The following ERICH6B variants were observed in gnomAD, a reference collection of about 807,000 sequenced individuals.
The protein encoded by ERICH6B is glutamate-rich protein 6B.
In ERICH6B, 69 loss-of-function variants were observed where a neutral mutation model predicts 80.0. The ratio of observed to expected loss-of-function variants is 0.86; its 90% CI spans 0.71 to 1.05. The LOEUF (loss-of-function observed/expected upper bound fraction) is 1.05, where lower values mean the gene tolerates loss of function less well. ERICH6B is among the 50% of genes least tolerant of loss of function. ERICH6B has a pLI of 0.00. For synonymous variants in ERICH6B, 283 were observed against 291.9 expected, an observed-to-expected ratio of 0.97 and a Z score of 0.31; for missense variants, 754 against 796.1, an observed-to-expected ratio of 0.95 and a Z score of 0.64.
chr13:45,596,308 C>T, intron 3 of ERICH6B, 61 bp downstream of exon 3: 18 of 1,480,378 alleles, frequency 1.2e-5, no homozygotes, highest in Non-Finnish European at 1.5e-5. Flanking sequence ...CTTCATCCAA[C>T]CTTCTTTCCC....
intron 14 of ERICH6B, among the ~76,000 whole-genome samples, chr13:45,542,028 G>A (rs1873801106): frequency 6.6e-6 from 1 of 152,156 alleles, no homozygotes; most frequent in African/African-American, 2.4e-5. Context: ...CCCGACCATG[G>A]GGCCCTGCAA....
chr13:45,565,878 A>G (rs947157816), intron 9 of ERICH6B, among the ~76,000 whole-genome samples: 2 of 152,238 alleles, frequency 1.3e-5, no homozygotes, highest in Non-Finnish European at 2.9e-5. Context: ...GAACTAGGTA[A>G]CAGGCAGGAG....
chr13:45,573,794 A>T (rs1309523717), intron 8 of ERICH6B, among the ~76,000 whole-genome samples: 2 of 152,360 alleles, frequency 1.3e-5, no homozygotes, highest in East Asian at 3.9e-4. Flanking sequence ...ATCAATGGAC[A>T]GGAGCCTTGA....
At chr13:45,610,833 CTGTGTGTGTG>C (rs10653696) in intron 1 of ERICH6B, among the ~76,000 whole-genome samples, 49 of 147,404 alleles carry the variant, frequency 3.3e-4, no homozygotes, top group Non-Finnish European at 6.1e-4. Context: ...TGTGGCAGGA[CTGTGTGTGTG>C]TGTGTGTGTG....
intron 11 of ERICH6B, among the ~76,000 whole-genome samples, chr13:45,552,520 T>C (rs1474605764): frequency 6.6e-6 from 1 of 151,446 alleles, no homozygotes; most frequent in Non-Finnish European, 1.5e-5. Flanking sequence ...CAGGAAGGCT[T>C]TGCAGACCAT....
intron 2 of ERICH6B, among the ~76,000 whole-genome samples, chr13:45,598,407 T>C (rs1385503953): frequency 6.6e-6 from 1 of 152,182 alleles, no homozygotes; most frequent in East Asian, 1.9e-4. Flanking sequence ...ACATTTATTC[T>C]GCAGGACAGG....
chr13:45,541,482 G>T lies in ERICH6B; in HGVS notation c.2071C>A (p.Leu691Ile). The change falls in exon 15 of 15, where the codon CTC becomes ATC. Residue 691 changes from leucine to isoleucine, a missense_variant. Coordinates refer to ENST00000298738, the MANE Select transcript of ERICH6B (RefSeq NM_182542.3). ...CCGCCTTAAAACCAGAGTTTAGAGA[G>T]CATCTTCTTCAGGTACTTGTTGTCC... ...LMDNKYLKKMLSKLWF is the reference protein window; with the variant it reads ...LMDNKYLKKMISKLWF 1 of 1,552,120 alleles carries T rather than the reference G, an allele frequency of 6.4e-7. No homozygotes were observed. Among genetic ancestry groups the T allele is most frequent in the Non-Finnish European group, 8.7e-7 (1 of 1,147,080 alleles).
intron 1 of ERICH6B, among the ~76,000 whole-genome samples, chr13:45,610,662 C>T (rs532663582): frequency 6.6e-6 from 1 of 152,292 alleles, no homozygotes; most frequent in East Asian, 1.9e-4. Context: ...ATGCTACAAG[C>T]TGGACAGCAT....
rs146629352 is a variant in ERICH6B, at chr13:45,557,204, T to G, written c.1407+4165A>C. On this transcript the variant is annotated intron_variant, in intron 11 of 14. Coordinates refer to ENST00000298738, the MANE Select transcript of ERICH6B (RefSeq NM_182542.3). ...CCTGATCACTAGTGATGTTGAGCAT[T>G]TTTTCACGTTTGTTGGTCATTTGCA... Among the ~76,000 whole-genome samples the G allele has an allele frequency of 3.2e-3, 483 of 152,328 alleles. 1 individual carries two copies. The highest frequency in any genetic ancestry group is 0.01 in the African/African-American group (429 of 41,586).
intron 5 of ERICH6B, among the ~76,000 whole-genome samples, chr13:45,586,719 T>C (rs1285587777): frequency 6.6e-6 from 1 of 152,150 alleles, no homozygotes; most frequent in Non-Finnish European, 1.5e-5. Flanking sequence ...GAAAATGGCC[T>C]GTGTCCCTGA....
At chr13:45,548,136 C>T (rs551640484) in intron 13 of ERICH6B, among the ~76,000 whole-genome samples, 1 of 152,322 alleles carries the variant, frequency 6.6e-6, no homozygotes, top group East Asian at 1.9e-4. Context: ...AAGATGGGTG[C>T]TGGATTTTAG....
intron 2 of ERICH6B, among the ~76,000 whole-genome samples, chr13:45,605,543 C>G (rs1949853221): frequency 6.6e-6 from 1 of 152,192 alleles, no homozygotes; most frequent in African/African-American, 2.4e-5. Context: ...ATAACTCCAC[C>G]AAGGTCAGGC....
rs112915088 is a variant in ERICH6B at position 45,548,745 on chromosome 13, A to G, written c.1646+1148T>C. On this transcript the variant is annotated intron_variant, in intron 13 of 14. Coordinates refer to ENST00000298738, the MANE Select transcript of ERICH6B (RefSeq NM_182542.3). Reference sequence around the variant, plus strand: ...GGTAATTAACTGAATTTCTTGCCCCACTCCTTTGTGCTTTCTGTACCCAAG... The same window carrying G: ...GGTAATTAACTGAATTTCTTGCCCCGCTCCTTTGTGCTTTCTGTACCCAAG... Among the ~76,000 whole-genome samples, 873 of 151,792 alleles carry G rather than the reference A, an allele frequency of 5.8e-3. 10 individuals carry two copies. The highest frequency in any genetic ancestry group is 0.02 in the African/African-American group (826 of 41,374).
chr13:45,574,066 C>T (rs959132286), intron 8 of ERICH6B, among the ~76,000 whole-genome samples: 5 of 152,124 alleles, frequency 3.3e-5, no homozygotes, highest in African/African-American at 1.2e-4. Flanking sequence ...AAAACATTTA[C>T]AAAATGAAAT....
intron 14 of ERICH6B, among the ~76,000 whole-genome samples, chr13:45,543,190 G>A (rs1175396324): frequency 1.3e-5 from 2 of 152,046 alleles, no homozygotes; most frequent in African/African-American, 2.4e-5. Flanking sequence ...TAGGCCTCAC[G>A]GGGGGAGCCA....
chr13:45,553,107 C>G (rs764028509), intron 11 of ERICH6B: 12 of 356,658 alleles, frequency 3.4e-5, no homozygotes, highest in Non-Finnish European at 5.6e-5. Flanking sequence ...ACTGTTTTAT[C>G]TGATCAGATT....
intron 9 of ERICH6B, among the ~76,000 whole-genome samples, chr13:45,567,261 G>T (rs920154457): frequency 6.6e-6 from 1 of 152,178 alleles, no homozygotes; most frequent in Non-Finnish European, 1.5e-5. Context: ...ACTTCGGACT[G>T]TAAACTTTTG....
At chr13:45,553,081 G>A (rs1282273064) in intron 11 of ERICH6B, 1 of 304,478 alleles carries the variant, frequency 3.3e-6, no homozygotes, top group Non-Finnish European at 6.5e-6. Flanking sequence ...TCTTGTAGTT[G>A]CAAGACATTC....
chr13:45,546,886 T>C (rs1417459661), intron 13 of ERICH6B, among the ~76,000 whole-genome samples: 2 of 152,344 alleles, frequency 1.3e-5, no homozygotes, highest in East Asian at 3.9e-4. Context: ...CAAATCCTCC[T>C]CTTGCTTCCC....
Sources: allele counts gnomAD v4.1 joint callset (sites outside exome capture counted in the v4.1 genomes callset), GRCh38; gene constraint gnomAD v4.1.1; transcripts MANE v1.5; gene names NCBI Gene and HGNC (gene_info 2026-07-23, HGNC 2026-07-21).